The following ECT2 variants were observed in gnomAD, a reference collection of about 807,000 sequenced individuals.
The protein encoded by ECT2 is epithelial cell transforming 2.
In ECT2, 61 loss-of-function variants were observed where a neutral mutation model predicts 116.9. The ratio of observed to expected loss-of-function variants is 0.52; its 90% CI spans 0.42 to 0.65. ECT2 has a LOEUF of 0.65. ECT2 is among the 30% of genes least tolerant of loss of function. The pLI, the probability that ECT2 is intolerant of heterozygous loss-of-function variation, is 0.00. For synonymous variants in ECT2, 358 were observed against 346.4 expected, an observed-to-expected ratio of 1.03 and a Z score of -0.37; for missense variants, 937 against 1,078.7, an observed-to-expected ratio of 0.87 and a Z score of 1.84.
At chr3:172,795,625 AAAT>A (rs1363172401) in intron 18 of ECT2, among the ~76,000 whole-genome samples, 1 of 152,230 alleles carries the variant, frequency 6.6e-6, no homozygotes, top group Non-Finnish European at 1.5e-5. Context: ...AAAAATAACA[AAAT>A]AATGACTAGC....
At chr3:172,758,313 A>G (rs1441378555) in intron 5 of ECT2, among the ~76,000 whole-genome samples, 1 of 152,228 alleles carries the variant, frequency 6.6e-6, no homozygotes. Flanking sequence ...AGTAATAATA[A>G]GCACATGTTA....
the ECT2 span, chr3:172,828,751 G>T: frequency 3.4e-6 from 2 of 590,176 alleles, no homozygotes; most frequent in African/African-American, 3.8e-5. Flanking sequence ...AAGAGGATGA[G>T]GAAGGTGACC....
chr3:172,762,477 T>G lies in ECT2; in HGVS notation c.820T>G (p.Cys274Gly), dbSNP rs1718511290. The G allele has an allele frequency of 1.3e-6, 2 of 1,598,284 alleles. No homozygotes were observed. The highest frequency in any genetic ancestry group is 2.7e-5 in the African/African-American group (2 of 73,674). ...ATTTAAAGTTCCTCCATTTCAAGAT[T>G]GTATTTTAAGTTTCCTGGGATTTTC... ...NEFKVPPFQD[C>G]ILSFLGFSDE... is the part of the protein sequence containing the mutation. The change falls in exon 9 of 25, where the codon TGT becomes GGT. Residue 274 changes from cysteine (C) to glycine (G), a missense_variant. Physicochemically the swap from Cys to Gly is radical, Grantham distance 159. Transcript: ENST00000392692.
At chr3:172,803,113 C>A in intron 20 of ECT2, 133 bp downstream of exon 20, 4 of 832,690 alleles carry the variant, frequency 4.8e-6, no homozygotes, top group Non-Finnish European at 6.7e-6. Flanking sequence ...TTAAAAAAAT[C>A]GAGGACAATT....
chr3:172,755,453 T>G (rs1304421757), intron 3 of ECT2, 30 bp from the exon 4 acceptor site: 21 of 1,506,546 alleles, frequency 1.4e-5, no homozygotes, highest in Non-Finnish European at 1.8e-5. Flanking sequence ...ATAGCTTTCT[T>G]AACCTCATAC....
intron 24 of ECT2, 119 bp from the exon 25 acceptor site, chr3:172,820,029 G>A (rs1730478819): frequency 1.6e-6 from 1 of 620,458 alleles, no homozygotes; most frequent in East Asian, 3.0e-5. Flanking sequence ...CAGATGTCTT[G>A]TACTTAATTG....
chr3:172,792,895 T>A (rs1366268947), intron 18 of ECT2, among the ~76,000 whole-genome samples: 1 of 152,082 alleles, frequency 6.6e-6, no homozygotes, highest in Admixed American at 6.5e-5. Context: ...CTTTTTTGTA[T>A]TTTTTGTGGA....
chr3:172,786,032 A>C (rs1261546874), intron 17 of ECT2, among the ~76,000 whole-genome samples: 1 of 152,240 alleles, frequency 6.6e-6, no homozygotes, highest in East Asian at 1.9e-4. Flanking sequence ...GGGAACACAA[A>C]TAACCTGGAT....
At position 172,805,039 on chromosome 3, in the gene ECT2, CTTGT is replaced by C. The variant is rs761934198; in HGVS notation, c.2107-685_2107-682del. ...AATCTTAAATAAACTTATTCTTTAG[CTTGT>C]TTGTTTAGGAAAAATAAACAAAACT... On this transcript the variant is annotated intron_variant, in intron 20 of 24. Coordinates refer to ENST00000392692, the MANE Select transcript of ECT2 (RefSeq NM_001258315.2). Among the ~76,000 whole-genome samples the C allele has an allele frequency of 1.4e-4, 21 of 152,082 alleles. No homozygotes were observed. In the East Asian group the frequency reaches 1.5e-3, roughly 11 times the overall value.
intron 18 of ECT2, among the ~76,000 whole-genome samples, chr3:172,793,931 G>A (rs1008582659): frequency 1.3e-5 from 2 of 149,816 alleles, no homozygotes; most frequent in African/African-American, 2.5e-5. Flanking sequence ...TTGTTTATTT[G>A]AAAAAAAAAT....
At chr3:172,783,551 A>T (rs546666236) in intron 15 of ECT2, among the ~76,000 whole-genome samples, 2 of 152,160 alleles carry the variant, frequency 1.3e-5, no homozygotes, top group African/African-American at 4.8e-5. Flanking sequence ...CAGCTTTAAC[A>T]TATCTTTTGT....
At chr3:172,774,983 A>G (rs1721388404) in intron 14 of ECT2, among the ~76,000 whole-genome samples, 1 of 152,134 alleles carries the variant, frequency 6.6e-6, no homozygotes, top group Non-Finnish European at 1.5e-5. Flanking sequence ...TAAACCTCTA[A>G]TGGACTTAGA....
At chr3:172,769,251 A>G (rs1489466073) in intron 13 of ECT2, 108 bp downstream of exon 13, 2 of 1,095,356 alleles carry the variant, frequency 1.8e-6, no homozygotes, top group Non-Finnish European at 2.5e-6. Context: ...TAGTATTTGA[A>G]CATGGATGTT....
chr3:172,770,937 T>G (rs1425617205), intron 13 of ECT2, among the ~76,000 whole-genome samples: 1 of 152,198 alleles, frequency 6.6e-6, no homozygotes, highest in Non-Finnish European at 1.5e-5. Context: ...ATTTGTAAAG[T>G]GAGAGTTTTA....
chr3:172,784,992 TTTTA>T (rs1276095007), intron 17 of ECT2, among the ~76,000 whole-genome samples, 189 bp downstream of exon 17: 1 of 152,200 alleles, frequency 6.6e-6, no homozygotes, highest in African/African-American at 2.4e-5. Context: ...GCCTGAAATA[TTTTA>T]TTTGTTGATT....
intron 4 of ECT2, 26 bp from the exon 5 acceptor site, chr3:172,756,957 A>T: frequency 6.4e-7 from 1 of 1,553,140 alleles, no homozygotes; most frequent in East Asian, 2.3e-5. Flanking sequence ...AATAATTTTT[A>T]TTTCTGCTAA....
chr3:172,806,823 A>G (rs1214280378), intron 21 of ECT2, among the ~76,000 whole-genome samples: 4 of 151,450 alleles, frequency 2.6e-5, no homozygotes, highest in African/African-American at 7.3e-5. Flanking sequence ...TTGTATTTTT[A>G]GTAGAGACGG....
downstream of ECT2, among the ~76,000 whole-genome samples, chr3:172,823,473 C>T (rs1415438496): frequency 6.6e-6 from 1 of 152,098 alleles, no homozygotes; most frequent in Non-Finnish European, 1.5e-5. Flanking sequence ...GCTGGTGGGG[C>T]TGTAGGTAAA....
At position 172,762,400 on chromosome 3, in the gene ECT2, T is replaced by A. The variant is rs186148006; in HGVS notation, c.759-16T>A. On this transcript the variant is annotated splice_polypyrimidine_tract_variant and intron_variant, in intron 8 of 24. Coordinates refer to ENST00000392692, the MANE Select transcript of ECT2 (RefSeq NM_001258315.2). ...TTAAGTTAAACTGGTTTTGGAAGAG[T>A]GTATTTTGTTTTTAGGGATTTCTAT... 3.0e-5 allele frequency: 47 copies of A among 1,584,782 alleles called. No individual in the cohort carries two copies. The Admixed American group carries it at 3.8e-4, about 13-fold the overall frequency.
Sources: gnomAD v4.1 joint callset for allele counts (sites outside exome capture counted in the v4.1 genomes callset) on GRCh38, gnomAD v4.1.1 for gene constraint, MANE v1.5 for transcripts, NCBI Gene and HGNC (gene_info 2026-07-23, HGNC 2026-07-21) for gene names.